The following NIPBL variants were observed in gnomAD, a reference collection of about 807,000 sequenced individuals.
The protein encoded by NIPBL is NIPBL cohesin loading factor, also known as nipped-B-like protein.
In NIPBL, 19 loss-of-function variants were observed where a neutral mutation model predicts 321.8. The ratio of observed to expected loss-of-function variants is 0.06; its 90% CI spans 0.04 to 0.09. The LOEUF (loss-of-function observed/expected upper bound fraction) is 0.09, where lower values mean the gene tolerates loss of function less well. NIPBL is among the 10% of genes least tolerant of loss of function. The pLI, the probability that NIPBL is intolerant of heterozygous loss-of-function variation, is 1.00. For synonymous variants in NIPBL, 1,106 were observed against 1,114.1 expected (o/e 0.99, Z 0.14); for missense variants, 2,210 against 3,327.0 (o/e 0.66, Z 8.26).
chr5:36,939,609 T>C (rs1395696187), intron 1 of NIPBL, among the ~76,000 whole-genome samples: 1 of 152,204 alleles, frequency 6.6e-6, no homozygotes, highest in Non-Finnish European at 1.5e-5. Flanking sequence ...TGTGCTGCTA[T>C]AACAGAATAT....
At chr5:36,899,731 G>C (rs1033760359) in intron 1 of NIPBL, among the ~76,000 whole-genome samples, 1 of 152,130 alleles carries the variant, frequency 6.6e-6, no homozygotes. Flanking sequence ...TATTACTTAA[G>C]TACATGTATA....
At chr5:36,984,074 C>CT (rs1430573624) in intron 9 of NIPBL, among the ~76,000 whole-genome samples, 1 of 151,964 alleles carries the variant, frequency 6.6e-6, no homozygotes. Context: ...ACTTTTAACA[C>CT]TTCAAAGAAT....
At chr5:37,020,438 G>A (rs1375424526) in intron 25 of NIPBL, 21 bp from the exon 26 acceptor site, 2 of 1,522,358 alleles carry the variant, frequency 1.3e-6, no homozygotes, top group South Asian at 2.2e-5. Context: ...TCAAGCTCAA[G>A]TCTGTCTAAT....
intron 1 of NIPBL, among the ~76,000 whole-genome samples, chr5:36,911,831 A>G (rs565100478): frequency 1.1e-3 from 162 of 152,318 alleles, no homozygotes; most frequent in Middle Eastern, 3.4e-3. Context: ...CAATAACTGA[A>G]ATTAGGAAAG....
chr5:36,877,830 G>T (rs1745212846), intron 1 of NIPBL, among the ~76,000 whole-genome samples: 1 of 152,192 alleles, frequency 6.6e-6, no homozygotes, highest in African/African-American at 2.4e-5. Context: ...TCGTCCACAT[G>T]AATATTTAAT....
At chr5:36,930,396 A>G (rs953988050) in intron 1 of NIPBL, among the ~76,000 whole-genome samples, 8 of 151,702 alleles carry the variant, frequency 5.3e-5, no homozygotes, top group African/African-American at 1.9e-4. Context: ...TTGTATGTTG[A>G]TTTTCTATCT....
At chr5:37,012,637 T>G (rs1285419195) in intron 21 of NIPBL, among the ~76,000 whole-genome samples, 1 of 152,172 alleles carries the variant, frequency 6.6e-6, no homozygotes, top group Non-Finnish European at 1.5e-5. Context: ...TTTGTGTCCC[T>G]GGGTACTTGA....
Position 37,044,362 on chromosome 5 carries a change from A to C in NIPBL, c.6124A>C (p.Met2042Leu). ...TTKCSTQNDF[M>L]VICNVAKILE... is the part of the protein sequence containing the mutation. Reference sequence around the variant, plus strand: ...ATTCTTATAGACGCAAAATGATTTCATGGTTATCTGCAATGTTGCAAAAAT... The same window carrying C: ...ATTCTTATAGACGCAAAATGATTTCCTGGTTATCTGCAATGTTGCAAAAAT... Residue 2042 changes from methionine (M) to leucine (L), a missense_variant, in exon 35 of 47, where the codon ATG becomes CTG. Met to Leu is a conservative substitution (Grantham distance 15). Around this residue, in one of 14 missense-constraint regions of NIPBL, gnomAD observed 73 missense variants for 222.3 expected, o/e 0.33. Transcript: ENST00000282516. The C allele has an allele frequency of 6.2e-7, 1 of 1,613,854 alleles. No individual in the cohort carries two copies. Among genetic ancestry groups the C allele is most frequent in the Non-Finnish European group, 8.5e-7 (1 of 1,179,848 alleles).
At chr5:36,928,072 G>A (rs1173680202) in intron 1 of NIPBL, among the ~76,000 whole-genome samples, 2 of 152,100 alleles carry the variant, frequency 1.3e-5, no homozygotes, top group East Asian at 3.9e-4. Flanking sequence ...CAGGAGACTG[G>A]GAAGCTTTGC....
intron 24 of NIPBL, among the ~76,000 whole-genome samples, chr5:37,018,114 A>G (rs1052155016): frequency 4.6e-5 from 7 of 152,126 alleles, no homozygotes; most frequent in African/African-American, 9.7e-5. Context: ...CAAAAGTACA[A>G]ATTCTTAGGA....
intron 32 of NIPBL, among the ~76,000 whole-genome samples, chr5:37,034,546 A>G (rs1299188759): frequency 6.6e-6 from 1 of 152,248 alleles, no homozygotes; most frequent in Non-Finnish European, 1.5e-5. Context: ...AGAGAAAATC[A>G]GTAAAATACA....
At chr5:36,891,747 T>TA (rs1330376297) in intron 1 of NIPBL, among the ~76,000 whole-genome samples, 2 of 152,128 alleles carry the variant, frequency 1.3e-5, no homozygotes, top group African/African-American at 2.4e-5. Context: ...TATGCATATG[T>TA]AAAAAAATTT....
intron 24 of NIPBL, among the ~76,000 whole-genome samples, chr5:37,017,520 C>G (rs144080634): frequency 6.6e-6 from 1 of 151,408 alleles, no homozygotes; most frequent in Non-Finnish European, 1.5e-5. Context: ...TGTTTTGTAT[C>G]TTCTCATACC....
chr5:37,016,263 G>A, intron 23 of NIPBL, 93 bp downstream of exon 23: 2 of 1,281,224 alleles, frequency 1.6e-6, no homozygotes, highest in South Asian at 1.2e-5. Flanking sequence ...CTTTAAAAAT[G>A]TGTAAGGAAA....
intron 1 of NIPBL, among the ~76,000 whole-genome samples, chr5:36,926,138 G>A (rs938436261): frequency 1.3e-5 from 2 of 152,096 alleles, no homozygotes; most frequent in Admixed American, 1.3e-4. Context: ...TTTGAACACT[G>A]TAAATGTACC....
At position 37,045,579 on chromosome 5, in the gene NIPBL, T is replaced by C. The variant is rs1752885305; in HGVS notation, c.6480T>C (p.Asp2160=). The change falls in exon 37 of 47, where the codon GAT becomes GAC. Residue 2160 remains aspartate, a synonymous_variant. Transcript: ENST00000282516. ...LCRHFDFDLE[D]FKGNSKVNIK... Reference sequence around the variant, plus strand: ...GGCATTTTGATTTTGATCTGGAAGATTTTAAAGGCAACAGCAAGGTAAAGG... The same window carrying C: ...GGCATTTTGATTTTGATCTGGAAGACTTTAAAGGCAACAGCAAGGTAAAGG... 6.2e-7 allele frequency: 1 copy of C among 1,614,054 alleles called. No individual in the cohort carries two copies. The highest frequency in any genetic ancestry group is 8.5e-7 in the Non-Finnish European group (1 of 1,179,974).
intron 30 of NIPBL, among the ~76,000 whole-genome samples, chr5:37,025,805 A>T (rs1160521989): frequency 1.3e-5 from 2 of 152,134 alleles, no homozygotes; most frequent in African/African-American, 2.4e-5. Context: ...TTATGTATCC[A>T]TAAAAAAAAA....
intron 21 of NIPBL, among the ~76,000 whole-genome samples, chr5:37,014,099 C>T (rs1193992327): frequency 1.3e-5 from 2 of 152,142 alleles, no homozygotes; most frequent in African/African-American, 2.4e-5. Flanking sequence ...TCGCAGCTCT[C>T]GGCAAGCTGA....
intron 10 of NIPBL, among the ~76,000 whole-genome samples, chr5:36,993,775 T>C (rs953112915): frequency 3.3e-5 from 5 of 152,114 alleles, no homozygotes; most frequent in Non-Finnish European, 7.4e-5. Context: ...AAAAAAAATT[T>C]GTATTCTTAG....
Sources: allele counts gnomAD v4.1 joint callset (sites outside exome capture counted in the v4.1 genomes callset), GRCh38; gene constraint gnomAD v4.1.1; regional missense constraint gnomAD v4.1.1; transcripts MANE v1.5; gene names NCBI Gene and HGNC (gene_info 2026-07-23, HGNC 2026-07-21).